Variants in TIMD4 observed in about 807,000 individuals in gnomAD.
TIMD4 encodes the protein T cell immunoglobulin and mucin domain containing 4, also known as T-cell immunoglobulin and mucin domain-containing protein 4.
Under a neutral mutation model 41.2 loss-of-function variants are expected in TIMD4, and 31 were observed. That is an observed-to-expected ratio of 0.75 (90% CI 0.57 to 1.01). The LOEUF (loss-of-function observed/expected upper bound fraction) is 1.01, where lower values mean the gene tolerates loss of function less well. Among genes scored for constraint, TIMD4 ranks in the 50% least tolerant of loss-of-function variants. TIMD4 has a pLI of 0.00. For missense variants in TIMD4, 479 were observed against 472.5 expected (o/e 1.01, Z -0.13); for synonymous variants, 204 against 177.1 (o/e 1.15, Z -1.21).
At chr5:156,948,102 G>C (rs936431400) in intron 5 of TIMD4, among the ~76,000 whole-genome samples, 13 of 152,138 alleles carry the variant, frequency 8.5e-5, no homozygotes, top group Non-Finnish European at 1.9e-4. Flanking sequence ...CCAGCTGGCG[G>C]GAGGATGTGG....
chr5:156,928,982 G>T (rs1314816919), intron 5 of TIMD4, among the ~76,000 whole-genome samples: 1 of 152,192 alleles, frequency 6.6e-6, no homozygotes, highest in Non-Finnish European at 1.5e-5. Context: ...ATCGTCCAAT[G>T]GGAGAGACAT....
intron 7 of TIMD4, 133 bp from the exon 8 acceptor site, chr5:156,920,636 C>A: frequency 1.2e-6 from 1 of 833,096 alleles, no homozygotes. Flanking sequence ...CTGGCTTTGG[C>A]AGAAAAAGCC....
At chr5:156,935,146 G>A (rs1369453138) in intron 5 of TIMD4, among the ~76,000 whole-genome samples, 2 of 151,704 alleles carry the variant, frequency 1.3e-5, no homozygotes, top group Admixed American at 6.6e-5. Context: ...GAATGTTTAA[G>A]AGTTGGGAGG....
rs371298031 is a variant in TIMD4, at chr5:156,954,464, A to G, written c.351T>C (p.Pro117=). 3 of 1,614,204 alleles carry G rather than the reference A, an allele frequency of 1.9e-6. No individual in the cohort carries two copies. Among genetic ancestry groups the G allele is most frequent in the Non-Finnish European group, 2.5e-6 (3 of 1,180,028 alleles). ...TTATCTTTACATCGTTGAACCAGCC[A>G]GGCACTTCTATGCGGCAGCAGTACA... is the stretch of plus-strand genomic sequence containing the variant. The part of the protein sequence containing the change: ...SGVYCCRIEV[P]GWFNDVKINV... Residue 117 remains proline (P), a synonymous_variant, in exon 2 of 9, where the codon CCT becomes CCC. Coordinates refer to ENST00000274532, the MANE Select transcript of TIMD4 (RefSeq NM_138379.3).
At chr5:156,946,513 G>T (rs145476560) in intron 5 of TIMD4, among the ~76,000 whole-genome samples, 3,362 of 152,048 alleles carry the variant, frequency 0.022, 56 homozygotes, top group South Asian at 0.063. Flanking sequence ...AGTCTCACTC[G>T]TCGCCCAGGC....
chr5:156,924,604 A>G, intron 6 of TIMD4: 1 of 244,592 alleles, frequency 4.1e-6, no homozygotes, highest in East Asian at 1.1e-4. Flanking sequence ...CAGGTCAGAA[A>G]GGAGATATTA....
Position 156,919,464 on chromosome 5 carries a change from G to GT in TIMD4, c.1129dup (p.Thr377AsnfsTer7). The GT allele has an allele frequency of 6.2e-7, 1 of 1,614,020 alleles. No individual in the cohort carries two copies. ...TAACATGCTACTGCGTTGTTAGAGG[G>GT]TAAAAAGGCCGTCTTCGTCTTCCCT... On this transcript the variant is annotated frameshift_variant, in exon 9 of 9. Coordinates refer to ENST00000274532, the MANE Select transcript of TIMD4 (RefSeq NM_138379.3). LOFTEE classifies it high-confidence loss of function.
At chr5:156,961,808 CAA>C (rs71578911) in intron 1 of TIMD4, among the ~76,000 whole-genome samples, 59 of 27,988 alleles carry the variant, frequency 2.1e-3, no homozygotes, top group African/African-American at 4.2e-3. Flanking sequence ...GACTCCGTCT[CAA>C]AAAAAAAAAA....
intron 1 of TIMD4, 26 bp from the exon 2 acceptor site, chr5:156,954,782 G>C: frequency 6.4e-7 from 1 of 1,568,264 alleles, no homozygotes; most frequent in Non-Finnish European, 8.7e-7. Flanking sequence ...CGAAATTTAG[G>C]TCATGCAGTA....
In TIMD4 at chr5:156,951,682, GT is replaced by G; in HGVS notation, c.508del (p.Thr170GlnfsTer3). ...MTTTPAALPT[T>X]VVTTPDLTTG... ...TGTGAGATCGGGTGTGGTCACGACT[GT>G]TGTTGGAAGTGCAGCTGGGGTTGTT... is the stretch of plus-strand genomic sequence containing the variant. On this transcript the variant is annotated frameshift_variant, in exon 3 of 9. Transcript: ENST00000274532. LOFTEE classifies it high-confidence loss of function. 1 of 1,614,056 alleles carries G rather than the reference GT, an allele frequency of 6.2e-7. No individual in the cohort carries two copies. The highest frequency in any genetic ancestry group is 1.1e-5 in the South Asian group (1 of 91,072).
rs764003322 is a variant in TIMD4, at chr5:156,951,836, A to G, written c.401-46T>C. ...GTTTGGCACCAAGCGGAGATGGAGG[A>G]AAAAGAAAATAATGCAAGTATATCT... On this transcript the variant is annotated intron_variant, in intron 2 of 8. Transcript: ENST00000274532. The G allele has an allele frequency of 2.5e-6, 4 of 1,608,418 alleles. No individual in the cohort carries two copies. The Admixed American group carries it at 6.7e-5, about 27-fold the overall frequency.
chr5:156,951,794 T>C lies in TIMD4; in HGVS notation c.401-4A>G, dbSNP rs1759865009. 1.2e-6 allele frequency: 2 copies of C among 1,613,868 alleles called. No homozygotes were observed. The highest frequency in any genetic ancestry group is 1.7e-4 in the Middle Eastern group (1 of 6,060). On this transcript the variant is annotated splice_region_variant and splice_polypyrimidine_tract_variant and intron_variant, in intron 2 of 8. Coordinates refer to ENST00000274532, the MANE Select transcript of TIMD4 (RefSeq NM_138379.3). ...GTTCTGTGCGTGGTTGTTGAGGCTG[T>C]AACCAACAACAGACATGTTTGGCAC...
intron 6 of TIMD4, 22 bp downstream of exon 6, chr5:156,926,241 A>G (rs1188066776): frequency 2.4e-5 from 39 of 1,612,188 alleles, no homozygotes; most frequent in Non-Finnish European, 3.3e-5. Context: ...GATATACTGC[A>G]AATACTTCAC....
intron 5 of TIMD4, among the ~76,000 whole-genome samples, chr5:156,946,781 G>A (rs1261258606): frequency 2.0e-5 from 3 of 151,718 alleles, no homozygotes; most frequent in Non-Finnish European, 2.9e-5. Context: ...CACCGCGCCT[G>A]GCCTCTTCTG....
intron 5 of TIMD4, among the ~76,000 whole-genome samples, chr5:156,944,959 A>G (rs868071579): frequency 1.1e-4 from 16 of 152,204 alleles, no homozygotes; most frequent in African/African-American, 3.6e-4. Flanking sequence ...TTAGAGAACA[A>G]TGATTGACAA....
At chr5:156,951,131 C>A (rs149945680) in intron 3 of TIMD4, among the ~76,000 whole-genome samples, 3,348 of 151,918 alleles carry the variant, frequency 0.022, 58 homozygotes, top group South Asian at 0.063. Flanking sequence ...TGAGATAGCG[C>A]CTTTAAAGAG....
At chr5:156,958,304 AGAAG>A (rs1172163174) in intron 1 of TIMD4, among the ~76,000 whole-genome samples, 4 of 132,220 alleles carry the variant, frequency 3.0e-5, no homozygotes, top group Admixed American at 1.6e-4. Context: ...AAAGAAAGAA[AGAAG>A]GAAAGGAAAG....
chr5:156,919,572 G>T, intron 8 of TIMD4, 31 bp from the exon 9 acceptor site: 5 of 1,574,350 alleles, frequency 3.2e-6, no homozygotes, highest in Non-Finnish European at 4.4e-6. Context: ...CTCATAATGG[G>T]AAACACAAGA....
chr5:156,947,339 T>C (rs968244810), intron 5 of TIMD4, among the ~76,000 whole-genome samples: 1 of 151,962 alleles, frequency 6.6e-6, no homozygotes, highest in Non-Finnish European at 1.5e-5. Context: ...GGTGGAAAAA[T>C]AAATTGGCAC....
Sources: allele counts gnomAD v4.1 joint callset (sites outside exome capture counted in the v4.1 genomes callset), GRCh38; gene constraint gnomAD v4.1.1; transcripts MANE v1.5; gene names NCBI Gene and HGNC (gene_info 2026-07-23, HGNC 2026-07-21).